The following RRAS variants were observed in gnomAD, a reference collection of about 807,000 sequenced individuals.
RRAS encodes the protein ras-related protein R-Ras.
Under a neutral mutation model 23.3 loss-of-function variants are expected in RRAS, and 18 were observed. The ratio of observed to expected loss-of-function variants is 0.77; its 90% CI spans 0.53 to 1.15. RRAS has a LOEUF of 1.15. RRAS is among the 50% of genes most tolerant of loss of function. The probability of loss-of-function intolerance (pLI) is 0.00; values close to 1 mark genes in which losing one functional copy is unlikely to be tolerated. For missense variants in RRAS, 291 were observed against 317.1 expected, an observed-to-expected ratio of 0.92 and a Z score of 0.62; for synonymous variants, 133 against 138.3, an observed-to-expected ratio of 0.96 and a Z score of 0.27.
At position 49,635,381 on chromosome 19, in the gene RRAS, G is replaced by A. The variant is rs2080991096; in HGVS notation, c.*195C>T. 2 of 393,604 alleles carry A rather than the reference G, an allele frequency of 5.1e-6. No homozygotes were observed. Among genetic ancestry groups the A allele is most frequent in the Non-Finnish European group, 9.0e-6 (2 of 222,566 alleles). 24.4% of individuals were successfully genotyped at this position (393,604 alleles called of 1,614,324 possible). A position where few individuals can be genotyped will look rare whatever the true frequency, so the allele number is the denominator to read the frequency against. On this transcript the variant is annotated 3_prime_UTR_variant, in exon 6 of 6. Transcript: ENST00000246792. ...CCCTCACCCCCACCAGGCTTAGGTGGGGACAGGAGGCGTTGGCAGAAGGCA... is the reference window on the plus strand; with the variant it reads ...CCCTCACCCCCACCAGGCTTAGGTGAGGACAGGAGGCGTTGGCAGAAGGCA...
Position 49,636,566 on chromosome 19 carries a change from G to A in RRAS, c.453+53C>T. 1 of 1,288,976 alleles carries A rather than the reference G, an allele frequency of 7.8e-7. No individual in the cohort carries two copies. Among genetic ancestry groups the A allele is most frequent in the South Asian group, 1.2e-5 (1 of 84,518 alleles). The allele number at this position is 1,288,976 out of a possible 1,614,324, so 79.8% of individuals were successfully genotyped here. On this transcript the variant is annotated intron_variant, in intron 4 of 5. Transcript: ENST00000246792. The surrounding 1 kb of genome is among the most constrained non-coding windows in gnomAD (Gnocchi z 4.5). ...ATGCTGATGGGGGACAGGTGTGCTG[G>A]AAGGAGCCTCCCAGACTGAGATGGG... is the stretch of plus-strand genomic sequence containing the variant.
rs530748030 is a variant in RRAS, at chr19:49,640,130, C to T, written c.-32G>A. The T allele has an allele frequency of 8.8e-6, 12 of 1,361,424 alleles. No homozygotes were observed. In the African/African-American group the frequency reaches 1.7e-4, roughly 19 times the overall value. The allele number at this position is 1,361,424 out of a possible 1,614,324, so 84.3% of individuals were successfully genotyped here. A position where few individuals can be genotyped will look rare whatever the true frequency, so the allele number is the denominator to read the frequency against. On this transcript the variant is annotated 5_prime_UTR_variant, in exon 1 of 6. Coordinates refer to ENST00000246792, the MANE Select transcript of RRAS (RefSeq NM_006270.5). Reference sequence around the variant, plus strand: ...ACCGCTGCTGCTGCCTTCGCTACCGCCTGCGGGGGAGCCGGGCGGGACCCG... The same window carrying T: ...ACCGCTGCTGCTGCCTTCGCTACCGTCTGCGGGGGAGCCGGGCGGGACCCG...
chr19:49,635,830 G>A lies in RRAS; in HGVS notation c.476C>T (p.Ala159Val), dbSNP rs779695706. 1.3e-6 allele frequency: 2 copies of A among 1,570,742 alleles called. No individual in the cohort carries two copies. Among genetic ancestry groups the A allele is most frequent in the Non-Finnish European group, 8.7e-7 (1 of 1,150,788 alleles). Residue 159 changes from alanine (A) to valine (V), a missense_variant, in exon 5 of 6, where the codon GCC becomes GTC. Physicochemically the swap from Ala to Val is moderately conservative, Grantham distance 64. Coordinates refer to ENST00000246792, the MANE Select transcript of RRAS (RefSeq NM_006270.5). Reference protein sequence around the residue: ...QRQVPRSEASAFGASHHVAYF... With the variant: ...QRQVPRSEASVFGASHHVAYF... ...GGCCACGTGGTGGGAGGCGCCGAAG[G>A]CAGAGGCTTCTGATCGGGGGACCTG...
intron 1 of RRAS, 100 bp downstream of exon 1, chr19:49,639,846 G>C: frequency 1.0e-6 from 1 of 979,228 alleles, no homozygotes; most frequent in Non-Finnish European, 1.5e-6. Flanking sequence ...TTATAGGAGG[G>C]TCTCAGTGAT....
At chr19:49,637,291 C>G (rs2081001460) in intron 1 of RRAS, among the ~76,000 whole-genome samples, 161 bp from the exon 2 acceptor site, 1 of 139,340 alleles carries the variant, frequency 7.2e-6, no homozygotes, top group Admixed American at 7.6e-5. Flanking sequence ...TCCCGTCTGT[C>G]TCTCTGAGTC....
At chr19:49,638,256 A>G (rs1170843727) in intron 1 of RRAS, among the ~76,000 whole-genome samples, 2 of 152,080 alleles carry the variant, frequency 1.3e-5, no homozygotes, top group Non-Finnish European at 2.9e-5. Flanking sequence ...GCCTTTGGCC[A>G]GCTCTGGGAC....
Position 49,635,861 on chromosome 19 carries a change from A to AC in RRAS, c.454-10_454-9insG. 2 of 421,862 alleles carry AC rather than the reference A, an allele frequency of 4.7e-6. No individual in the cohort carries two copies. The highest frequency in any genetic ancestry group is 3.7e-5 in the South Asian group (2 of 53,890). 26.1% of individuals were successfully genotyped at this position (421,862 alleles called of 1,614,324 possible). ...GCTTCTGATCGGGGGACCTGGGGGT[A>AC]GGGGGGACACGGGGGAGTCAGGTCC... On this transcript the variant is annotated splice_polypyrimidine_tract_variant and intron_variant, in intron 4 of 5. Transcript: ENST00000246792.
chr19:49,639,306 T>G (rs894069570), intron 1 of RRAS, among the ~76,000 whole-genome samples: 1 of 152,020 alleles, frequency 6.6e-6, no homozygotes, highest in Non-Finnish European at 1.5e-5. Context: ...TCGCCTGTAG[T>G]CTCAGCTACT....
In RRAS at chr19:49,637,148, G is replaced by A; in HGVS notation, c.154-18C>T. 1 of 1,596,030 alleles carries A rather than the reference G, an allele frequency of 6.3e-7. No individual in the cohort carries two copies. ...AAGTAGGACTGGCGGGGTGGGGAGAGGATAGTTACTGCAGTGCCCCGGCAG... is the reference window on the plus strand; with the variant it reads ...AAGTAGGACTGGCGGGGTGGGGAGAAGATAGTTACTGCAGTGCCCCGGCAG... On this transcript the variant is annotated intron_variant, in intron 1 of 5. Transcript: ENST00000246792.
chr19:49,638,906 G>A (rs2081009164), intron 1 of RRAS, among the ~76,000 whole-genome samples: 1 of 129,962 alleles, frequency 7.7e-6, no homozygotes, highest in South Asian at 2.4e-4. Flanking sequence ...GGAGGGGCTG[G>A]TTTTCCTTGG....
chr19:49,637,135 C>T lies in RRAS; in HGVS notation c.154-5G>A, dbSNP rs753238136. 95 of 1,608,318 alleles carry T rather than the reference C, an allele frequency of 5.9e-5. No homozygotes were observed. Among genetic ancestry groups the T allele is most frequent in the Admixed American group, 8.4e-5 (5 of 59,388 alleles). ...GTAGTCAGACACGAAGTAGGACTGG[C>T]GGGGTGGGGAGAGGATAGTTACTGC... On this transcript the variant is annotated splice_polypyrimidine_tract_variant and splice_region_variant and intron_variant, in intron 1 of 5. Coordinates refer to ENST00000246792, the MANE Select transcript of RRAS (RefSeq NM_006270.5).
intron 1 of RRAS, among the ~76,000 whole-genome samples, chr19:49,637,706 TACTC>T (rs2081003538): frequency 6.6e-6 from 1 of 151,608 alleles, no homozygotes; most frequent in South Asian, 2.1e-4. Flanking sequence ...GAGTCTCTAT[TACTC>T]TCTCTCTCTG....
In RRAS at chr19:49,640,139, G is replaced by C; in HGVS notation, c.-41C>G. ...GCTGCCTTCGCTACCGCCTGCGGGG[G>C]AGCCGGGCGGGACCCGGGGGGGCGG... On this transcript the variant is annotated 5_prime_UTR_variant, in exon 1 of 6. Coordinates refer to ENST00000246792, the MANE Select transcript of RRAS (RefSeq NM_006270.5). The C allele has an allele frequency of 7.4e-7, 1 of 1,358,348 alleles. No homozygotes were observed. Among genetic ancestry groups the C allele is most frequent in the Non-Finnish European group, 9.4e-7 (1 of 1,064,538 alleles). The allele number at this position is 1,358,348 out of a possible 1,614,324, so 84.1% of individuals were successfully genotyped here.
Position 49,635,719 on chromosome 19 carries a change from G to T in RRAS, c.572+15C>A. The T allele has an allele frequency of 6.4e-7, 1 of 1,555,702 alleles. No individual in the cohort carries two copies. Among genetic ancestry groups the T allele is most frequent in the South Asian group, 1.2e-5 (1 of 86,812 alleles). Reference sequence around the variant, plus strand: ...GGGCTGGGGACAAGGACGACAGGAAGGGGACTTGGCTCACCGGACAGCCCG... The same window carrying T: ...GGGCTGGGGACAAGGACGACAGGAATGGGACTTGGCTCACCGGACAGCCCG... On this transcript the variant is annotated intron_variant, in intron 5 of 5. Transcript: ENST00000246792.
intron 1 of RRAS, 60 bp downstream of exon 1, chr19:49,639,886 T>TC (rs1311224984): frequency 7.6e-6 from 11 of 1,442,852 alleles, no homozygotes; most frequent in Middle Eastern, 3.5e-4. Context: ...GTCTCGGGGA[T>TC]CCCCCCAAGG....
chr19:49,636,987 G>A lies in RRAS; in HGVS notation c.241+56C>T. The A allele has an allele frequency of 6.2e-7, 1 of 1,606,056 alleles. No homozygotes were observed. The highest frequency in any genetic ancestry group is 1.1e-5 in the South Asian group (1 of 90,820). On this transcript the variant is annotated intron_variant, in intron 2 of 5. Transcript: ENST00000246792. The surrounding 1 kb of genome is among the most constrained non-coding windows in gnomAD (Gnocchi z 4.5). The stretch of plus-strand genomic sequence containing the variant: ...AGGCTCCCCGCAGTCACCCCCAAGA[G>A]CCCTCAGCCCCCACTGACACCACCC...
intron 1 of RRAS, among the ~76,000 whole-genome samples, chr19:49,639,305 G>A (rs1332510004): frequency 1.3e-5 from 2 of 151,968 alleles, no homozygotes; most frequent in Non-Finnish European, 2.9e-5. Context: ...CTCGCCTGTA[G>A]TCTCAGCTAC....
In RRAS at chr19:49,637,092, G is replaced by A; in HGVS notation, c.192C>T (p.Asp64=). 1.2e-6 allele frequency: 2 copies of A among 1,613,588 alleles called. No individual in the cohort carries two copies. The highest frequency in any genetic ancestry group is 1.7e-6 in the Non-Finnish European group (2 of 1,179,976). ...FVSDYDPTIE[D]SYTKICSVDG... ...CCACACTGCAGATCTTCGTGTAGGA[G>A]TCCTCAATAGTGGGGTCGTAGTCAG... The change falls in exon 2 of 6, where the codon GAC becomes GAT. Residue 64 remains aspartate (D), a synonymous_variant. Transcript: ENST00000246792.
intron 1 of RRAS, among the ~76,000 whole-genome samples, chr19:49,637,333 T>A (rs1199601041): frequency 8.8e-6 from 1 of 113,580 alleles, no homozygotes; most frequent in African/African-American, 3.6e-5. Context: ...TGAGACGGAG[T>A]TTCGCTCTTG....
Sources: allele counts gnomAD v4.1 joint callset (sites outside exome capture counted in the v4.1 genomes callset), GRCh38; gene constraint gnomAD v4.1.1; non-coding constraint Gnocchi (gnomAD v3.1); transcripts MANE v1.5; gene names NCBI Gene and HGNC (gene_info 2026-07-23, HGNC 2026-07-21).